LRP1B: variants seen among roughly 807,000 people sequenced by gnomAD.
LRP1B encodes the protein low-density lipoprotein receptor-related protein 1B.
LRP1B carries 217 observed loss-of-function variants against 556.6 expected under a neutral mutation model. The observed-to-expected ratio is 0.39, with a 90% CI of 0.35 to 0.44. The LOEUF (loss-of-function observed/expected upper bound fraction) is 0.44, where lower values mean the gene tolerates loss of function less well. Ranked by LOEUF, LRP1B falls within the 20% of genes least tolerant of loss-of-function variation. The probability of loss-of-function intolerance (pLI) is 1.00; values close to 1 mark genes in which losing one functional copy is unlikely to be tolerated. For synonymous variants in LRP1B, 2,047 were observed against 1,865.8 expected, an observed-to-expected ratio of 1.10 and a Z score of -2.50; for missense variants, 5,053 against 5,620.8, an observed-to-expected ratio of 0.90 and a Z score of 3.23.
At chr2:140,769,127 G>T in intron 35 of LRP1B, 86 bp downstream of exon 35, 4 of 1,243,922 alleles carry the variant, frequency 3.2e-6, no homozygotes, top group East Asian at 2.4e-5. Flanking sequence ...GACTATTAAA[G>T]CACAGAGGAA....
chr2:141,934,511 C>A (rs1171473775), intron 1 of LRP1B, among the ~76,000 whole-genome samples: 2 of 152,130 alleles, frequency 1.3e-5, no homozygotes, highest in African/African-American at 2.4e-5. Context: ...TTGAAAAGTT[C>A]TTTAAAAAAT....
chr2:141,267,906 C>T (rs79015011), intron 3 of LRP1B, among the ~76,000 whole-genome samples: 2,570 of 152,186 alleles, frequency 0.017, 42 homozygotes, highest in Non-Finnish European at 0.026. Flanking sequence ...AATGTAACCT[C>T]CTTTGTAAAA....
At chr2:140,450,357 T>C (rs1686833862) in intron 63 of LRP1B, among the ~76,000 whole-genome samples, 1 of 152,198 alleles carries the variant, frequency 6.6e-6, no homozygotes, top group East Asian at 1.9e-4. Flanking sequence ...GAATGGCTTA[T>C]GGCACCATTC....
At chr2:141,283,112 A>G (rs1685569394) in intron 3 of LRP1B, among the ~76,000 whole-genome samples, 1 of 152,164 alleles carries the variant, frequency 6.6e-6, no homozygotes, top group Non-Finnish European at 1.5e-5. Flanking sequence ...ACCTGAACTA[A>G]TGGCATTTTC....
intron 38 of LRP1B, 50 bp downstream of exon 38, chr2:140,702,377 T>G (rs2105429644): frequency 2.5e-6 from 4 of 1,608,448 alleles, no homozygotes; most frequent in Non-Finnish European, 3.4e-6. Flanking sequence ...GTAGGTAAAT[T>G]AAAGTTGTCA....
intron 21 of LRP1B, among the ~76,000 whole-genome samples, chr2:140,911,657 A>T (rs181280538): frequency 6.6e-6 from 1 of 151,918 alleles, no homozygotes; most frequent in Non-Finnish European, 1.5e-5. Flanking sequence ...ATAATATATC[A>T]TTGTAGTCTA....
chr2:140,239,338 G>A, intron 88 of LRP1B, 104 bp downstream of exon 88: 2 of 635,056 alleles, frequency 3.1e-6, no homozygotes. Context: ...TTTACAGTTG[G>A]CATAACTAAA....
At chr2:141,394,954 A>T (rs560817747) in intron 3 of LRP1B, among the ~76,000 whole-genome samples, 1 of 152,076 alleles carries the variant, frequency 6.6e-6, no homozygotes, top group African/African-American at 2.4e-5. Context: ...GGAAAGAGAA[A>T]CTGTTCTTTC....
intron 7 of LRP1B, among the ~76,000 whole-genome samples, chr2:141,075,144 G>A (rs1183105817): frequency 6.6e-6 from 1 of 152,084 alleles, no homozygotes; most frequent in Non-Finnish European, 1.5e-5. Flanking sequence ...TGTCCCCTGG[G>A]AGGAGGATGG....
intron 77 of LRP1B, among the ~76,000 whole-genome samples, chr2:140,336,387 C>CT (rs35091865): frequency 0.015 from 2,149 of 147,348 alleles, 35 homozygotes; most frequent in Admixed American, 0.042. Context: ...TAGTTTAGTA[C>CT]TTTTTTTTTT....
chr2:142,081,688 A>T (rs2104931956), intron 1 of LRP1B, among the ~76,000 whole-genome samples: 1 of 152,314 alleles, frequency 6.6e-6, no homozygotes, highest in Admixed American at 6.5e-5. Context: ...TATGCTGTCC[A>T]GGCTGGTCTC....
chr2:140,497,611 C>T (rs1316252578), intron 55 of LRP1B, among the ~76,000 whole-genome samples: 1 of 151,624 alleles, frequency 6.6e-6, no homozygotes, highest in Non-Finnish European at 1.5e-5. Flanking sequence ...AGCCAGAGGT[C>T]CAATTAGTAG....
intron 2 of LRP1B, among the ~76,000 whole-genome samples, chr2:141,662,290 T>G (rs544377158): frequency 6.6e-6 from 1 of 152,190 alleles, no homozygotes; most frequent in South Asian, 2.1e-4. Flanking sequence ...GCAAAATAAC[T>G]AGCTAATGTC....
intron 3 of LRP1B, among the ~76,000 whole-genome samples, chr2:141,338,094 C>T (rs1386606101): frequency 1.3e-5 from 2 of 152,150 alleles, no homozygotes; most frequent in African/African-American, 4.8e-5. Context: ...ACTTTGAAGC[C>T]TTTGAAATGC....
chr2:141,192,064 C>T (rs921741344), intron 6 of LRP1B, among the ~76,000 whole-genome samples: 3 of 151,938 alleles, frequency 2.0e-5, no homozygotes, highest in African/African-American at 4.8e-5. Context: ...TGAGATCTCA[C>T]TACAGAACTT....
intron 4 of LRP1B, among the ~76,000 whole-genome samples, chr2:141,249,896 G>C (rs1684199591): frequency 1.3e-5 from 2 of 152,118 alleles, no homozygotes; most frequent in Non-Finnish European, 2.9e-5. Flanking sequence ...TTTTTACTGA[G>C]TCCTTAAATG....
At chr2:141,178,428 T>C (rs970989432) in intron 7 of LRP1B, among the ~76,000 whole-genome samples, 2 of 152,128 alleles carry the variant, frequency 1.3e-5, no homozygotes, top group Non-Finnish European at 2.9e-5. Context: ...ATAGTTTAGA[T>C]ACACAGGACA....
intron 20 of LRP1B, among the ~76,000 whole-genome samples, chr2:140,941,814 TG>T (rs1385562914): frequency 6.6e-6 from 1 of 152,062 alleles, no homozygotes; most frequent in Non-Finnish European, 1.5e-5. Context: ...AGCAAATTCA[TG>T]AAGAAAAAGA....
intron 1 of LRP1B, among the ~76,000 whole-genome samples, chr2:141,895,286 G>T (rs1041401009): frequency 2.6e-5 from 4 of 152,128 alleles, no homozygotes; most frequent in Non-Finnish European, 5.9e-5. Context: ...TGAGGTATTT[G>T]GCTCCATGAC....
Sources: allele counts gnomAD v4.1 joint callset (sites outside exome capture counted in the v4.1 genomes callset), GRCh38; gene constraint gnomAD v4.1.1; transcripts MANE v1.5; gene names NCBI Gene and HGNC (gene_info 2026-07-23, HGNC 2026-07-21).